CNTNAP5: variants seen among roughly 807,000 people sequenced by gnomAD.
The protein encoded by CNTNAP5 is contactin-associated protein-like 5.
CNTNAP5 carries 72 observed loss-of-function variants against 150.2 expected under a neutral mutation model. The observed-to-expected ratio is 0.48, with a 90% CI of 0.40 to 0.58. The LOEUF (loss-of-function observed/expected upper bound fraction) is 0.58, where lower values mean the gene tolerates loss of function less well. Among genes scored for constraint, CNTNAP5 ranks in the 20% least tolerant of loss-of-function variants. CNTNAP5 has a pLI of 0.00. For missense variants in CNTNAP5, 1,636 were observed against 1,626.2 expected (o/e 1.01, Z -0.10); for synonymous variants, 672 against 619.8 (o/e 1.08, Z -1.25).
chr2:124,355,820 C>T (rs115807840), intron 3 of CNTNAP5, among the ~76,000 whole-genome samples: 199 of 152,100 alleles, frequency 1.3e-3, no homozygotes, highest in African/African-American at 4.2e-3. Context: ...GATAAAAAGT[C>T]ATGGATATTG....
rs573241007 is a variant in CNTNAP5, at chr2:124,647,660, T to C, written c.1877-98T>C. The C allele has an allele frequency of 9.0e-6, 10 of 1,113,862 alleles. No individual in the cohort carries two copies. The South Asian group carries it at 1.5e-4, about 17-fold the overall frequency. 69.0% of individuals were successfully genotyped at this position (1,113,862 alleles called of 1,614,324 possible). On this transcript the variant is annotated intron_variant, in intron 12 of 23. Coordinates refer to ENST00000682447, the MANE Select transcript of CNTNAP5 (RefSeq NM_001367498.1). Reference sequence around the variant, plus strand: ...TCTCCATACGGTACCGGAGTGTTGATTAATGTTGCACGCTGAGTGGCCCAT... The same window carrying C: ...TCTCCATACGGTACCGGAGTGTTGACTAATGTTGCACGCTGAGTGGCCCAT...
intron 1 of CNTNAP5, among the ~76,000 whole-genome samples, chr2:124,041,964 T>C (rs1681385204): frequency 6.6e-6 from 1 of 152,100 alleles, no homozygotes; most frequent in African/African-American, 2.4e-5. Flanking sequence ...TGGGTTCAAG[T>C]GATTCTTCTG....
intron 19 of CNTNAP5, among the ~76,000 whole-genome samples, chr2:124,802,920 C>T (rs145626369): frequency 0.16 from 23,948 of 151,844 alleles, 2,058 homozygotes; most frequent in African/African-American, 0.2. Flanking sequence ...GTCAGGAGAT[C>T]GAGATCATCC....
chr2:124,766,910 A>C (rs1319964426), intron 16 of CNTNAP5, among the ~76,000 whole-genome samples: 1 of 152,190 alleles, frequency 6.6e-6, no homozygotes, highest in African/African-American at 2.4e-5. Context: ...AGATTGGAGA[A>C]CATATACTCT....
chr2:124,499,068 G>T (rs185061002), intron 7 of CNTNAP5, among the ~76,000 whole-genome samples: 1 of 152,130 alleles, frequency 6.6e-6, no homozygotes, highest in Admixed American at 6.6e-5. Flanking sequence ...TACATTGCAC[G>T]TGGTCTCATG....
At chr2:124,402,706 A>C (rs1473987364) in intron 3 of CNTNAP5, among the ~76,000 whole-genome samples, 5 of 152,206 alleles carry the variant, frequency 3.3e-5, no homozygotes, top group African/African-American at 4.8e-5. Flanking sequence ...TAATCAAATA[A>C]CTGTCGCTAT....
chr2:124,561,151 T>C lies in CNTNAP5; in HGVS notation c.1650-2066T>C, dbSNP rs529747394. ...GGGGATGGGCTGGGGCAAAAGGAGG[T>C]GTGGAAAGGTCATGGAAAAACTGGG... On this transcript the variant is annotated intron_variant, in intron 10 of 23. Transcript: ENST00000682447. Among the ~76,000 whole-genome samples, 141 of 137,094 alleles carry C rather than the reference T, an allele frequency of 1.0e-3. 1 individual carries two copies. Among genetic ancestry groups the C allele is most frequent in the African/African-American group, 3.6e-3 (132 of 36,922 alleles). 89.9% of individuals were successfully genotyped at this position (137,094 alleles called of 152,430 possible). A position where few individuals can be genotyped will look rare whatever the true frequency, so the allele number is the denominator to read the frequency against.
At chr2:124,348,531 G>A (rs1476270364) in intron 3 of CNTNAP5, among the ~76,000 whole-genome samples, 1 of 152,080 alleles carries the variant, frequency 6.6e-6, no homozygotes, top group East Asian at 1.9e-4. Context: ...ATAAACCTTA[G>A]TTTGCTAATT....
chr2:124,772,737 G>A (rs1681231024), intron 16 of CNTNAP5, 62 bp from the exon 17 acceptor site: 1 of 1,291,068 alleles, frequency 7.7e-7, no homozygotes. Context: ...TCCCACTCAA[G>A]CCTGTGCCTT....
chr2:124,670,121 TTTCCTTCCTTCTTTCCTTCC>T (rs1399522324), intron 13 of CNTNAP5, among the ~76,000 whole-genome samples: 1 of 118,646 alleles, frequency 8.4e-6, no homozygotes, highest in African/African-American at 3.0e-5. Context: ...TTCCTTTCCT[TTTCCTTCCTTCTTTCCTTCC>T]TTCCTTCCTT....
intron 3 of CNTNAP5, among the ~76,000 whole-genome samples, chr2:124,341,844 T>A (rs1226153203): frequency 6.6e-6 from 1 of 152,154 alleles, no homozygotes; most frequent in Admixed American, 6.6e-5. Flanking sequence ...TAAGCTGTTG[T>A]GGTGATTTCC....
At chr2:124,276,929 C>A (rs1178413876) in intron 3 of CNTNAP5, among the ~76,000 whole-genome samples, 1 of 152,036 alleles carries the variant, frequency 6.6e-6, no homozygotes, top group Non-Finnish European at 1.5e-5. Flanking sequence ...ATGACAAGAA[C>A]AAGAAGCCAC....
At chr2:124,145,812 T>TAAAAAAAAAAAAAAAAAGAAA in intron 1 of CNTNAP5, among the ~76,000 whole-genome samples, 1 of 64,196 alleles carries the variant, frequency 1.6e-5, no homozygotes, top group African/African-American at 7.0e-5. Flanking sequence ...AAAAAAACAT[T>TAAAAAAAAAAAAAAAAAGAAA]AAAAAAAAAA....
chr2:124,865,523 G>C (rs2104720478), intron 20 of CNTNAP5, 87 bp downstream of exon 20: 1 of 1,217,940 alleles, frequency 8.2e-7, no homozygotes, highest in East Asian at 2.6e-5. Context: ...TGCCAGTGTA[G>C]TGCCTAGTGC....
chr2:124,127,057 C>T (rs115404945), intron 1 of CNTNAP5, among the ~76,000 whole-genome samples: 2,119 of 152,084 alleles, frequency 0.014, 50 homozygotes, highest in African/African-American at 0.048. Flanking sequence ...AAGTTCTGGC[C>T]GGAGCAATCT....
chr2:124,338,049 T>TAAC (rs1689521344), intron 3 of CNTNAP5, among the ~76,000 whole-genome samples: 1 of 152,138 alleles, frequency 6.6e-6, no homozygotes. Flanking sequence ...CATTCAGCAG[T>TAAC]GGTTTGTAGT....
intron 19 of CNTNAP5, among the ~76,000 whole-genome samples, chr2:124,854,065 G>A (rs1393607414): frequency 6.6e-6 from 1 of 152,138 alleles, no homozygotes; most frequent in East Asian, 1.9e-4. Flanking sequence ...TCATTGATGG[G>A]CATTTGTGAT....
chr2:124,397,086 A>G (rs1307351102), intron 3 of CNTNAP5, among the ~76,000 whole-genome samples: 1 of 152,184 alleles, frequency 6.6e-6, no homozygotes, highest in Non-Finnish European at 1.5e-5. Flanking sequence ...GGAAGAAAAA[A>G]TTAGGTGACA....
chr2:124,771,417 C>A (rs557853984), intron 16 of CNTNAP5, among the ~76,000 whole-genome samples: 174 of 152,068 alleles, frequency 1.1e-3, no homozygotes, highest in African/African-American at 4.1e-3. Flanking sequence ...AGAGCAACAT[C>A]GTGAAGAACC....
Sources: gnomAD v4.1 joint callset for allele counts (sites outside exome capture counted in the v4.1 genomes callset) on GRCh38, gnomAD v4.1.1 for gene constraint, MANE v1.5 for transcripts, NCBI Gene and HGNC (gene_info 2026-07-23, HGNC 2026-07-21) for gene names.